Variants in TBC1D5 observed in about 807,000 individuals in gnomAD.
The protein encoded by TBC1D5 is TBC1 domain family, member 5.
In TBC1D5, 75 loss-of-function variants were observed where a neutral mutation model predicts 100.3. The observed-to-expected ratio is 0.75, with a 90% CI of 0.62 to 0.91. TBC1D5 has a LOEUF of 0.91. TBC1D5 is among the 40% of genes least tolerant of loss of function. The pLI, the probability that TBC1D5 is intolerant of heterozygous loss-of-function variation, is 0.00. For missense variants in TBC1D5, 910 were observed against 942.4 expected, an observed-to-expected ratio of 0.97 and a Z score of 0.45; for synonymous variants, 323 against 325.6, an observed-to-expected ratio of 0.99 and a Z score of 0.09.
At chr3:17,280,451 T>G (rs1187803397) in intron 15 of TBC1D5, among the ~76,000 whole-genome samples, 1 of 151,944 alleles carries the variant, frequency 6.6e-6, no homozygotes, top group African/African-American at 2.4e-5. Context: ...CCTCATCCCA[T>G]GCCAATAAAA....
chr3:17,613,034 C>T (rs1228201457), intron 2 of TBC1D5, among the ~76,000 whole-genome samples: 1 of 152,088 alleles, frequency 6.6e-6, no homozygotes, highest in Non-Finnish European at 1.5e-5. Flanking sequence ...ATCCCTTCCC[C>T]AACCCCTCAC....
At chr3:17,700,526 A>G (rs557814776) in intron 1 of TBC1D5, among the ~76,000 whole-genome samples, 1 of 152,222 alleles carries the variant, frequency 6.6e-6, no homozygotes, top group Non-Finnish European at 1.5e-5. Flanking sequence ...AGAAACTACC[A>G]TCAGAGTGAA....
intron 9 of TBC1D5, among the ~76,000 whole-genome samples, chr3:17,383,014 T>C (rs886857783): frequency 3.9e-5 from 6 of 152,102 alleles, no homozygotes; most frequent in Non-Finnish European, 7.4e-5. Flanking sequence ...AAAATATTAC[T>C]ATTAAAAATA....
At chr3:17,724,128 G>A (rs1268989951) in intron 1 of TBC1D5, among the ~76,000 whole-genome samples, 31 of 143,344 alleles carry the variant, frequency 2.2e-4, no homozygotes, top group Admixed American at 2.1e-3. Context: ...TATCCAGGCT[G>A]GACCGCAGTA....
Position 17,589,946 on chromosome 3 carries a change from G to A in TBC1D5, c.-36+33903C>T, listed in dbSNP as rs140322585. Among the ~76,000 whole-genome samples, 704 of 152,276 alleles carry A rather than the reference G, an allele frequency of 4.6e-3. 7 individuals carry two copies. The highest frequency in any genetic ancestry group is 0.016 in the African/African-American group (649 of 41,560). On this transcript the variant is annotated intron_variant, in intron 2 of 21. Transcript: ENST00000253692. Reference sequence around the variant, plus strand: ...CATAAGATTTTATAAAAGGAGATGTGATATAGCCCAGAGATCAGTTTGAAA... The same window carrying A: ...CATAAGATTTTATAAAAGGAGATGTAATATAGCCCAGAGATCAGTTTGAAA...
intron 17 of TBC1D5, among the ~76,000 whole-genome samples, chr3:17,237,150 A>G (rs942735447): frequency 1.3e-5 from 2 of 152,186 alleles, no homozygotes; most frequent in Non-Finnish European, 2.9e-5. Context: ...GAAAACTGAT[A>G]TAACAGAGGG....
chr3:17,537,955 C>T (rs919764563), intron 2 of TBC1D5, among the ~76,000 whole-genome samples: 3 of 152,156 alleles, frequency 2.0e-5, no homozygotes, highest in Admixed American at 6.5e-5. Context: ...GGTCAGGCTA[C>T]AGCTCAGTTT....
intron 21 of TBC1D5, among the ~76,000 whole-genome samples, chr3:17,162,769 AAGGTGC>A (rs1042805132): frequency 3.3e-5 from 5 of 152,164 alleles, no homozygotes; most frequent in African/African-American, 1.2e-4. Flanking sequence ...GTCCCTATAT[AAGGTGC>A]ACCTGGTCAG....
chr3:17,585,188 C>T (rs1436994001), intron 2 of TBC1D5, among the ~76,000 whole-genome samples: 1 of 152,118 alleles, frequency 6.6e-6, no homozygotes, highest in East Asian at 1.9e-4. Flanking sequence ...AAAATGCCTT[C>T]AATTTATTAA....
intron 1 of TBC1D5, among the ~76,000 whole-genome samples, chr3:17,729,880 G>A (rs557000661): frequency 2.0e-5 from 3 of 152,190 alleles, no homozygotes; most frequent in East Asian, 3.9e-4. Flanking sequence ...AGGCCAAGGC[G>A]GGCGAATCAC....
At chr3:17,196,451 G>A (rs1052561449) in intron 18 of TBC1D5, among the ~76,000 whole-genome samples, 7 of 152,222 alleles carry the variant, frequency 4.6e-5, no homozygotes, top group Non-Finnish European at 5.9e-5. Context: ...TTTAAGGGAA[G>A]TGAAACAGCT....
chr3:17,232,711 T>C (rs1054581300), intron 17 of TBC1D5, among the ~76,000 whole-genome samples: 3 of 152,132 alleles, frequency 2.0e-5, no homozygotes, highest in African/African-American at 7.2e-5. Flanking sequence ...GGTTTTTGTT[T>C]TTTAAGTTAA....
chr3:17,624,521 T>C (rs1406901354), intron 1 of TBC1D5, among the ~76,000 whole-genome samples: 2 of 152,104 alleles, frequency 1.3e-5, no homozygotes, highest in African/African-American at 4.8e-5. Flanking sequence ...ATATATAAAA[T>C]GCAGAAATAC....
chr3:17,194,675 C>A (rs2070409932), intron 18 of TBC1D5, among the ~76,000 whole-genome samples: 1 of 152,162 alleles, frequency 6.6e-6, no homozygotes, highest in Admixed American at 6.5e-5. Flanking sequence ...TATTTAAATT[C>A]ATCCCTGATT....
At chr3:17,292,967 T>C (rs2081913050) in intron 14 of TBC1D5, among the ~76,000 whole-genome samples, 1 of 152,244 alleles carries the variant, frequency 6.6e-6, no homozygotes, top group African/African-American at 2.4e-5. Flanking sequence ...GATTATTTTT[T>C]CTTCTGCTGT....
chr3:17,167,607 T>G, intron 20 of TBC1D5, 142 bp downstream of exon 21: 1 of 680,350 alleles, frequency 1.5e-6, no homozygotes, highest in Non-Finnish European at 2.6e-6. Flanking sequence ...CACAAAGAGG[T>G]GGTGATGCAG....
intron 21 of TBC1D5, among the ~76,000 whole-genome samples, chr3:17,162,772 G>A (rs1334766010): frequency 6.6e-6 from 1 of 152,144 alleles, no homozygotes; most frequent in Non-Finnish European, 1.5e-5. Context: ...CCTATATAAG[G>A]TGCACCTGGT....
chr3:17,704,623 G>A (rs1307526668), intron 1 of TBC1D5, among the ~76,000 whole-genome samples: 2 of 75,962 alleles, frequency 2.6e-5, no homozygotes, highest in African/African-American at 8.9e-5. Flanking sequence ...CCAACCTCCC[G>A]GACGGGGCTG....
chr3:17,435,708 G>A (rs971382968), intron 3 of TBC1D5, among the ~76,000 whole-genome samples: 1 of 152,136 alleles, frequency 6.6e-6, no homozygotes, highest in Non-Finnish European at 1.5e-5. Context: ...AGATGCCTGC[G>A]GCAAAAGACT....
Sources: gnomAD v4.1 joint callset for allele counts (sites outside exome capture counted in the v4.1 genomes callset) on GRCh38, gnomAD v4.1.1 for gene constraint, MANE v1.5 for transcripts, NCBI Gene and HGNC (gene_info 2026-07-23, HGNC 2026-07-21) for gene names.